Variants in ANKS1B observed in about 807,000 individuals in gnomAD.
ANKS1B encodes ankyrin repeat and sterile alpha motif domain-containing protein 1B.
In ANKS1B, 36 loss-of-function variants were observed where a neutral mutation model predicts 148.3. That is an observed-to-expected ratio of 0.24 (90% CI 0.19 to 0.32). The LOEUF is 0.32. Ranked by LOEUF, ANKS1B falls within the 10% of genes least tolerant of loss-of-function variation. The pLI is 1.00. For synonymous variants in ANKS1B, 542 were observed against 560.8 expected (o/e 0.97, Z 0.47); for missense variants, 1,157 against 1,542.6 (o/e 0.75, Z 4.19).
chr12:99,557,250 T>C (rs1351930540), intron 9 of ANKS1B, among the ~76,000 whole-genome samples: 1 of 152,230 alleles, frequency 6.6e-6, no homozygotes, highest in Admixed American at 6.5e-5. Flanking sequence ...ATGAATGATA[T>C]CCTCAAATAT....
At chr12:99,738,414 A>G (rs2059804897) in intron 8 of ANKS1B, among the ~76,000 whole-genome samples, 1 of 152,112 alleles carries the variant, frequency 6.6e-6, no homozygotes, top group Admixed American at 6.6e-5. Flanking sequence ...TTGGGTCACT[A>G]AGCCACATTC....
chr12:99,656,394 G>A (rs927856205), intron 8 of ANKS1B, among the ~76,000 whole-genome samples: 1 of 151,934 alleles, frequency 6.6e-6, no homozygotes, highest in African/African-American at 2.4e-5. Flanking sequence ...CCACTCACAA[G>A]AATCATATAT....
chr12:98,816,065 G>A (rs1014195938), intron 19 of ANKS1B, among the ~76,000 whole-genome samples: 8 of 152,018 alleles, frequency 5.3e-5, no homozygotes, highest in Non-Finnish European at 1.0e-4. Context: ...TGCTGTCTGG[G>A]TTCTTGACAG....
At chr12:99,729,664 C>A (rs1215849498) in intron 8 of ANKS1B, among the ~76,000 whole-genome samples, 2 of 152,182 alleles carry the variant, frequency 1.3e-5, no homozygotes, top group East Asian at 1.9e-4. Context: ...ACTGTACTTA[C>A]AAAGTATGGG....
chr12:99,468,106 A>G lies in ANKS1B; in HGVS notation c.1439-24297T>C, dbSNP rs529654806. ...CAAAACAGAGATATAGATCAATGGA[A>G]CAGAACAGAGCCCTCAGAAATAATG... On this transcript the variant is annotated intron_variant, in intron 10 of 26. Transcript: ENST00000683438. 1.8e-4 allele frequency among the ~76,000 whole-genome samples: 27 copies of G among 152,292 alleles called. No homozygotes were observed. The South Asian group carries it at 4.4e-3, about 25-fold the overall frequency.
At chr12:98,910,347 G>C (rs944979748) in intron 17 of ANKS1B, among the ~76,000 whole-genome samples, 1 of 152,160 alleles carries the variant, frequency 6.6e-6, no homozygotes, top group Non-Finnish European at 1.5e-5. Context: ...GTTTGCTTTT[G>C]TTGAGGATGA....
intron 12 of ANKS1B, among the ~76,000 whole-genome samples, chr12:99,264,772 G>A (rs1197924208): frequency 2.0e-5 from 3 of 152,028 alleles, no homozygotes; most frequent in Non-Finnish European, 1.5e-5. Flanking sequence ...CAGGGACTTA[G>A]GAAATTCTCC....
chr12:99,543,872 A>G lies in ANKS1B; in HGVS notation c.1273-39231T>C, dbSNP rs187687047. Among the ~76,000 whole-genome samples, 189 of 152,278 alleles carry G rather than the reference A, an allele frequency of 1.2e-3. 1 individual carries two copies. The highest frequency in any genetic ancestry group is 6.8e-3 in the Middle Eastern group (2 of 294). ...AGGCCAATATGGGACACCGAAGCTA[A>G]TAAGACATGAGTAGGATTAAATTTT... On this transcript the variant is annotated intron_variant, in intron 9 of 26. Transcript: ENST00000683438.
chr12:98,975,136 T>C (rs1243780805), intron 17 of ANKS1B, among the ~76,000 whole-genome samples: 1 of 143,768 alleles, frequency 7.0e-6, no homozygotes, highest in Non-Finnish European at 1.5e-5. Flanking sequence ...CCTTCCTCTC[T>C]TCTTCTTTCC....
chr12:99,402,388 GGTTT>G (rs1160180593), intron 11 of ANKS1B, among the ~76,000 whole-genome samples: 1 of 145,482 alleles, frequency 6.9e-6, no homozygotes, highest in Non-Finnish European at 1.5e-5. Context: ...GTGTCATGGG[GGTTT>G]GTTTAACAGA....
chr12:99,407,099 T>C (rs2094548597), intron 11 of ANKS1B, among the ~76,000 whole-genome samples: 1 of 145,312 alleles, frequency 6.9e-6, no homozygotes, highest in South Asian at 2.1e-4. Flanking sequence ...GGGCCAATAT[T>C]CCTGATGCAT....
At chr12:98,857,169 G>A (rs2099576185) in intron 17 of ANKS1B, among the ~76,000 whole-genome samples, 1 of 152,192 alleles carries the variant, frequency 6.6e-6, no homozygotes, top group African/African-American at 2.4e-5. Flanking sequence ...AGAGGAGGAA[G>A]TAGTTACTTC....
chr12:99,155,051 CT>C, intron 14 of ANKS1B: 3 of 1,534,996 alleles, frequency 2.0e-6, no homozygotes, highest in Non-Finnish European at 2.6e-6. Context: ...AACCAAAGTG[CT>C]TAAATCTGAA....
At chr12:99,736,322 A>G (rs923524075) in intron 8 of ANKS1B, among the ~76,000 whole-genome samples, 3 of 151,610 alleles carry the variant, frequency 2.0e-5, no homozygotes, top group Admixed American at 2.0e-4. Context: ...CTCTTTGCAG[A>G]CAATTTGATC....
At chr12:99,122,752 A>T (rs964018425) in intron 15 of ANKS1B, among the ~76,000 whole-genome samples, 2 of 152,096 alleles carry the variant, frequency 1.3e-5, no homozygotes, top group Non-Finnish European at 2.9e-5. Context: ...CTGCATTCTT[A>T]CATCTTTTAA....
intron 8 of ANKS1B, among the ~76,000 whole-genome samples, chr12:99,681,407 T>G (rs1043868840): frequency 1.3e-5 from 2 of 151,990 alleles, no homozygotes; most frequent in Non-Finnish European, 2.9e-5. Flanking sequence ...TAAACAAAAT[T>G]ACAACCAAGG....
intron 8 of ANKS1B, among the ~76,000 whole-genome samples, chr12:99,759,640 T>C (rs1680311186): frequency 6.6e-6 from 1 of 151,960 alleles, no homozygotes; most frequent in Non-Finnish European, 1.5e-5. Flanking sequence ...TTTTTTTAAA[T>C]ACTGGCAAGC....
At chr12:99,797,232 T>C (rs544881387) in intron 4 of ANKS1B, among the ~76,000 whole-genome samples, 73 of 151,968 alleles carry the variant, frequency 4.8e-4, no homozygotes, top group African/African-American at 1.7e-3. Flanking sequence ...TAAAGTAAGA[T>C]TTAAAAAAAA....
At chr12:99,353,514 T>C (rs2091661266) in intron 12 of ANKS1B, among the ~76,000 whole-genome samples, 1 of 152,054 alleles carries the variant, frequency 6.6e-6, no homozygotes, top group Non-Finnish European at 1.5e-5. Context: ...CTTTCTATAT[T>C]CTGACCAGTT....
Sources: gnomAD v4.1 joint callset for allele counts (sites outside exome capture counted in the v4.1 genomes callset) on GRCh38, gnomAD v4.1.1 for gene constraint, MANE v1.5 for transcripts, NCBI Gene and HGNC (gene_info 2026-07-23, HGNC 2026-07-21) for gene names.